The following KDM2B variants were observed in gnomAD, a reference collection of about 807,000 sequenced individuals.
KDM2B encodes the protein lysine-specific demethylase 2B.
In KDM2B, 26 loss-of-function variants were observed where a neutral mutation model predicts 150.0. The ratio of observed to expected loss-of-function variants is 0.17; its 90% confidence interval spans 0.13 to 0.24. KDM2B has a LOEUF of 0.24. Ranked by LOEUF, KDM2B falls within the 10% of genes least tolerant of loss-of-function variation. The probability of loss-of-function intolerance (pLI) is 1.00; values close to 1 mark genes in which losing one functional copy is unlikely to be tolerated. For missense variants in KDM2B, 1,265 were observed against 1,816.9 expected (o/e 0.70, Z 5.52); for synonymous variants, 734 against 729.5 (o/e 1.01, Z -0.10).
chr12:121,438,696 T>C (rs1874425284), intron 22 of KDM2B, among the ~76,000 whole-genome samples: 1 of 152,112 alleles, frequency 6.6e-6, no homozygotes, highest in Admixed American at 6.5e-5. Context: ...CTATGAGGCA[T>C]GGTTGCCAGA....
chr12:121,420,338 A>G, the KDM2B span: 1 of 1,559,036 alleles, frequency 6.4e-7, no homozygotes, highest in Admixed American at 1.9e-5. Context: ...GGATCGGGTG[A>G]GGCCACCTAT....
intron 4 of KDM2B, among the ~76,000 whole-genome samples, chr12:121,573,922 A>G (rs1211384663): frequency 6.6e-6 from 1 of 152,136 alleles, no homozygotes; most frequent in East Asian, 1.9e-4. Context: ...GTACCCACCA[A>G]GAGGGCAGGG....
intron 12 of KDM2B, among the ~76,000 whole-genome samples, chr12:121,474,350 TA>T (rs1242648967): frequency 6.6e-6 from 1 of 151,720 alleles, no homozygotes; most frequent in Non-Finnish European, 1.5e-5. Context: ...CCGTCCCTAC[TA>T]AAAAATACAA....
At chr12:121,579,942 C>T (rs1291058996) in intron 1 of KDM2B, 10 of 1,195,470 alleles carry the variant, frequency 8.4e-6, no homozygotes, top group Non-Finnish European at 9.6e-6. Context: ...CGAGAAACAA[C>T]CAAAAAAAAA....
chr12:121,567,779 C>T (rs746974113), intron 4 of KDM2B, among the ~76,000 whole-genome samples: 3 of 145,548 alleles, frequency 2.1e-5, no homozygotes, highest in Admixed American at 1.4e-4. Flanking sequence ...GGTGCAATCT[C>T]GGCTCACTGT....
chr12:121,572,690 C>A (rs1891189826), intron 4 of KDM2B, among the ~76,000 whole-genome samples: 1 of 152,156 alleles, frequency 6.6e-6, no homozygotes, highest in African/African-American at 2.4e-5. Flanking sequence ...ATAGGTCTCG[C>A]TCTGTTGCCC....
rs982827351 is a variant in KDM2B at position 121,466,435 on chromosome 12, C to T, written c.1735-13091G>A. On this transcript the variant is annotated intron_variant, in intron 12 of 22. Transcript: ENST00000377071. Reference sequence around the variant, plus strand: ...GGCTTTGTTTTACACACAGATTTCTCCCCCTGGTCCCGAGAGAGGTTGCTT... The same window carrying T: ...GGCTTTGTTTTACACACAGATTTCTTCCCCTGGTCCCGAGAGAGGTTGCTT... Among the ~76,000 whole-genome samples, 11 of 152,224 alleles carry T rather than the reference C, an allele frequency of 7.2e-5. No homozygotes were observed. In the East Asian group the frequency reaches 7.7e-4, roughly 11 times the overall value.
At chr12:121,437,874 C>T (rs992214416) in intron 22 of KDM2B, among the ~76,000 whole-genome samples, 3 of 149,136 alleles carry the variant, frequency 2.0e-5, no homozygotes, top group Non-Finnish European at 3.0e-5. Flanking sequence ...CTGGTTACAC[C>T]GATGAGAGGG....
At chr12:121,463,315 CAAA>C (rs201614427) in intron 12 of KDM2B, among the ~76,000 whole-genome samples, 1 of 125,380 alleles carries the variant, frequency 8.0e-6, no homozygotes, top group African/African-American at 2.8e-5. Flanking sequence ...GACTCCGTCT[CAAA>C]AAAAAAAAAA....
At chr12:121,504,429 G>A (rs1386182238) in intron 11 of KDM2B, among the ~76,000 whole-genome samples, 1 of 152,116 alleles carries the variant, frequency 6.6e-6, no homozygotes, top group African/African-American at 2.4e-5. Context: ...CAGCTACTTG[G>A]GAAGCTGAGA....
chr12:121,444,044 C>T lies in KDM2B; in HGVS notation c.2419G>A (p.Glu807Lys), dbSNP rs782038552. ...CGTCCACTCAGCTCCTGGGGCTTCTCGTATTTCCGCTTCTTCCTCAGGTGC... is the reference window on the plus strand; with the variant it reads ...CGTCCACTCAGCTCCTGGGGCTTCTTGTATTTCCGCTTCTTCCTCAGGTGC... ...DVHLRKKRKY[E>K]KPQELSGRKR... The change falls in exon 16 of 23, where the codon GAG becomes AAG. Residue 807 changes from glutamate to lysine, a missense_variant. Coordinates refer to ENST00000377071, the MANE Select transcript of KDM2B (RefSeq NM_032590.5). The T allele has an allele frequency of 1.2e-6, 2 of 1,613,354 alleles. No individual in the cohort carries two copies. Among genetic ancestry groups the T allele is most frequent in the Admixed American group, 1.7e-5 (1 of 59,982 alleles).
rs1230751570 is a variant in KDM2B, at chr12:121,537,610, G to T, written c.684-3020C>A. 6.6e-6 allele frequency: 1 copy of T among 152,096 alleles called. No homozygotes were observed. The highest frequency in any genetic ancestry group is 1.5e-5 in the Non-Finnish European group (1 of 67,992). 9.4% of individuals were successfully genotyped at this position (152,096 alleles called of 1,614,324 possible). On this transcript the variant is annotated intron_variant, in intron 6 of 22. Transcript: ENST00000377071. The surrounding 1 kb of genome is among the most constrained non-coding windows in gnomAD (Gnocchi z 8.7). Reference sequence around the variant, plus strand: ...CCTGCAGCACCAACTTTGGGGCGCTGCCTGGGGGCTGCGGAGGCGGGGCGG... The same window carrying T: ...CCTGCAGCACCAACTTTGGGGCGCTTCCTGGGGGCTGCGGAGGCGGGGCGG...
At chr12:121,462,890 C>T (rs536673326) in intron 12 of KDM2B, among the ~76,000 whole-genome samples, 94 of 151,974 alleles carry the variant, frequency 6.2e-4, no homozygotes, top group African/African-American at 2.2e-3. Flanking sequence ...TCGTTTGAGC[C>T]CAGGAGTTCG....
In KDM2B at chr12:121,533,673, C is replaced by T. The variant is rs1283918602; in HGVS notation, c.778-714G>A. Among the ~76,000 whole-genome samples, 8 of 152,184 alleles carry T rather than the reference C, an allele frequency of 5.3e-5. No individual in the cohort carries two copies. The East Asian group carries it at 9.6e-4, about 18-fold the overall frequency. ...AGAGAAGATGAATGCTGGACGTTCT[C>T]GAGCCAAACCCAAGCTTCAAATCTG... On this transcript the variant is annotated intron_variant, in intron 7 of 22. Transcript: ENST00000377071. The surrounding 1 kb of genome is among the most constrained non-coding windows in gnomAD (Gnocchi z 4.1).
intron 8 of KDM2B, among the ~76,000 whole-genome samples, chr12:121,525,652 GC>G (rs1365564613): frequency 6.6e-6 from 1 of 152,086 alleles, no homozygotes; most frequent in Non-Finnish European, 1.5e-5. Context: ...AGCAGGTACT[GC>G]CCAGTTTCCC....
At chr12:121,474,433 G>A (rs1482347420) in intron 12 of KDM2B, among the ~76,000 whole-genome samples, 5 of 151,964 alleles carry the variant, frequency 3.3e-5, no homozygotes, top group African/African-American at 9.7e-5. Context: ...CGAGAATGGC[G>A]TGAACCCGGG....
chr12:121,412,229 TC>T, the KDM2B span, among the ~76,000 whole-genome samples: 33 of 94,582 alleles, frequency 3.5e-4, no homozygotes, highest in African/African-American at 9.2e-4. Flanking sequence ...GCCCAACTAA[TC>T]TTTTTTTTTT....
chr12:121,559,599 C>T (rs1555313495), intron 4 of KDM2B, among the ~76,000 whole-genome samples: 1 of 152,052 alleles, frequency 6.6e-6, no homozygotes, highest in Admixed American at 6.6e-5. Context: ...GTGAAAGAGA[C>T]TTAAAATGCA....
At chr12:121,523,352 G>T (rs1161519108) in intron 8 of KDM2B, among the ~76,000 whole-genome samples, 1 of 152,256 alleles carries the variant, frequency 6.6e-6, no homozygotes, top group Non-Finnish European at 1.5e-5. Context: ...ACAGAGGAGG[G>T]TTGGCTGGGG....
Sources: allele counts gnomAD v4.1 joint callset (sites outside exome capture counted in the v4.1 genomes callset), GRCh38; gene constraint gnomAD v4.1.1; non-coding constraint Gnocchi (gnomAD v3.1); transcripts MANE v1.5; gene names NCBI Gene and HGNC (gene_info 2026-07-23, HGNC 2026-07-21).